LAD1: variants seen among roughly 807,000 people sequenced by gnomAD.
LAD1 encodes ladinin 1, also known as ladinin-1.
In LAD1, 53 loss-of-function variants were observed where a neutral mutation model predicts 54.2. The observed-to-expected ratio is 0.98, with a 90% confidence interval of 0.78 to 1.23. The LOEUF (loss-of-function observed/expected upper bound fraction) is 1.23. Ranked by LOEUF, LAD1 falls within the 50% of genes most tolerant of loss-of-function variation. The pLI is 0.00. For missense variants in LAD1, 637 were observed against 653.3 expected (o/e 0.98, Z 0.27); for synonymous variants, 231 against 257.7 (o/e 0.90, Z 0.99).
intron 1 of LAD1, among the ~76,000 whole-genome samples, chr1:201,396,971 C>T (rs760209805): frequency 3.9e-5 from 6 of 152,220 alleles, no homozygotes; most frequent in Non-Finnish European, 5.9e-5. Context: ...AGGCCTGGCC[C>T]AGCCTCACTG....
chr1:201,389,469 G>A (rs1347647347), intron 1 of LAD1, among the ~76,000 whole-genome samples, 166 bp from the exon 2 acceptor site: 2 of 152,244 alleles, frequency 1.3e-5, no homozygotes, highest in Non-Finnish European at 2.9e-5. Flanking sequence ...AAGGCATGCT[G>A]TGTGAAATAC....
Position 201,387,047 on chromosome 1 carries a change from G to A in LAD1, c.314C>T (p.Ala105Val), listed in dbSNP as rs762567945. 4 of 1,612,430 alleles carry A rather than the reference G, an allele frequency of 2.5e-6. No individual in the cohort carries two copies. Among genetic ancestry groups the A allele is most frequent in the East Asian group, 2.2e-5 (1 of 44,882 alleles). ...CAGCCTCTCCTGGATGGGGGCCTGT[G>A]CAGCCTCCACCACCTGCCGCCTCTG... ...RRQRRQVVEA[A>V]QAPIQERLEA... Residue 105 changes from alanine (A) to valine (V), a missense_variant, in exon 3 of 10, where the codon GCA (alanine) becomes GTA (valine). Ala to Val is a moderately conservative substitution (Grantham distance 64). Transcript: ENST00000391967.
intron 1 of LAD1, among the ~76,000 whole-genome samples, chr1:201,394,315 C>T (rs977418248): frequency 1.6e-4 from 25 of 152,324 alleles, no homozygotes; most frequent in African/African-American, 5.1e-4. Flanking sequence ...CCAGGGAAGG[C>T]GAGTGCCTGC....
intron 2 of LAD1, among the ~76,000 whole-genome samples, 187 bp downstream of exon 2, chr1:201,388,973 C>G (rs1662145960): frequency 6.6e-6 from 1 of 152,162 alleles, no homozygotes; most frequent in South Asian, 2.1e-4. Context: ...TAGTAGCAAG[C>G]ATTGTTATGA....
intron 1 of LAD1, among the ~76,000 whole-genome samples, chr1:201,394,109 T>C (rs1443354215): frequency 6.6e-6 from 1 of 152,108 alleles, no homozygotes; most frequent in Non-Finnish European, 1.5e-5. Context: ...ATAGGGTGTC[T>C]CATCTCTAGT....
intron 2 of LAD1, among the ~76,000 whole-genome samples, chr1:201,388,922 A>G (rs1250589294): frequency 6.6e-6 from 1 of 152,226 alleles, no homozygotes; most frequent in Non-Finnish European, 1.5e-5. Flanking sequence ...CTATGGCCAT[A>G]AAATGTCCAG....
intron 5 of LAD1, 103 bp from the exon 6 acceptor site, chr1:201,383,492 G>T: frequency 9.1e-7 from 1 of 1,103,596 alleles, no homozygotes; most frequent in Non-Finnish European, 1.4e-6. Context: ...TTCTCATTGT[G>T]GCCAAGAGAA....
In LAD1 at chr1:201,384,629, G is replaced by A; in HGVS notation, c.1175+163C>T. 1.4e-5 allele frequency: 10 copies of A among 712,534 alleles called. No individual in the cohort carries two copies. In the South Asian group the frequency reaches 1.6e-4, roughly 12 times the overall value. 44.1% of individuals were successfully genotyped at this position (712,534 alleles called of 1,614,324 possible). On this transcript the variant is annotated intron_variant, in intron 5 of 9. Transcript: ENST00000391967. The stretch of plus-strand genomic sequence containing the variant: ...ATCTTATCCCGCCTGAGTTCATCCT[G>A]TTAATCCCATCCCCCTGCCAGATCT...
chr1:201,383,057 G>T lies in LAD1; in HGVS notation c.1386+17C>A, dbSNP rs778326601. ...GGCTAATCACCCTAAGGACCCTGTG[G>T]GGCCTGAGCCCCTCACCTTCCGGCT... is the stretch of plus-strand genomic sequence containing the variant. On this transcript the variant is annotated intron_variant, in intron 7 of 9. Coordinates refer to ENST00000391967, the MANE Select transcript of LAD1 (RefSeq NM_005558.4). The T allele has an allele frequency of 8.1e-6, 13 of 1,606,608 alleles. No homozygotes were observed. The East Asian group carries it at 2.7e-4, about 33-fold the overall frequency.
In LAD1 at chr1:201,382,684, C is replaced by T. The variant is rs1462602163; in HGVS notation, c.1442G>A (p.Arg481Lys). The change falls in exon 8 of 10, where the codon AGG becomes AAG. Residue 481 changes from arginine (R) to lysine (K), a missense_variant. Transcript: ENST00000391967. ...GTCCTGATCTCCAGATTCCTGGGTC[C>T]TGCTGATCCACAGGTTGAGCCTTGA... ...VTSRLNLWISRTQESGDQDPQ... is the reference protein window; with the variant it reads ...VTSRLNLWISKTQESGDQDPQ... The T allele has an allele frequency of 1.9e-6, 3 of 1,608,034 alleles. No homozygotes were observed. In the South Asian group the frequency reaches 3.4e-5, roughly 18 times the overall value.
Position 201,386,548 on chromosome 1 carries a change from C to G in LAD1, c.813G>C (p.Lys271Asn). The change falls in exon 3 of 10, where the codon AAG becomes AAC. Residue 271 changes from lysine to asparagine, a missense_variant. Physicochemically the swap from Lys to Asn is moderately conservative, Grantham distance 94. Coordinates refer to ENST00000391967, the MANE Select transcript of LAD1 (RefSeq NM_005558.4). ...SIFEKALASE[K>N]SPTADAKPAP... ...CCGGCTTAGCATCTGCAGTTGGGCT[C>G]TTCTCTGAGGCCAGTGCCTTCTCAA... is the stretch of plus-strand genomic sequence containing the variant. 1 of 1,612,434 alleles carries G rather than the reference C, an allele frequency of 6.2e-7. No individual in the cohort carries two copies. The highest frequency in any genetic ancestry group is 8.5e-7 in the Non-Finnish European group (1 of 1,179,410).
intron 2 of LAD1, 60 bp from the exon 3 acceptor site, chr1:201,387,238 C>G: frequency 7.0e-7 from 1 of 1,433,282 alleles, no homozygotes; most frequent in Non-Finnish European, 9.1e-7. Context: ...CCTAAGTATA[C>G]CTAACCCAAT....
chr1:201,389,241 TGCC>T lies in LAD1; in HGVS notation c.98_100del (p.Arg33del). The T allele has an allele frequency of 6.2e-7, 1 of 1,614,130 alleles. No individual in the cohort carries two copies. Among genetic ancestry groups the T allele is most frequent in the Non-Finnish European group, 8.5e-7 (1 of 1,180,018 alleles). On this transcript the variant is annotated inframe_deletion, in exon 2 of 10. Transcript: ENST00000391967. ...GTCCGTGGTGGAGCTCAGGTTGCGGTGCCGCCGCCTGCGCTCGCGCTCCTGTTC... is the reference window on the plus strand; with the variant it reads ...GTCCGTGGTGGAGCTCAGGTTGCGGTGCCGCCTGCGCTCGCGCTCCTGTTC...
intron 2 of LAD1, 86 bp downstream of exon 2, chr1:201,389,074 A>G (rs1370184855): frequency 5.4e-6 from 8 of 1,488,310 alleles, no homozygotes; most frequent in African/African-American, 1.4e-5. Context: ...CTGGGCCCCA[A>G]CTCCCTGAGC....
intron 2 of LAD1, among the ~76,000 whole-genome samples, chr1:201,388,043 CA>C (rs1480489441): frequency 6.6e-6 from 1 of 152,258 alleles, no homozygotes; most frequent in African/African-American, 2.4e-5. Context: ...GCTCTTCCCC[CA>C]CCTCATAATC....
At chr1:201,386,014 G>A (rs574517293) in intron 3 of LAD1, among the ~76,000 whole-genome samples, 2 of 152,248 alleles carry the variant, frequency 1.3e-5, no homozygotes, top group Admixed American at 6.5e-5. Flanking sequence ...CTTTCCAGGG[G>A]AGCTTCTAGA....
intron 1 of LAD1, among the ~76,000 whole-genome samples, chr1:201,390,370 C>A (rs963091190): frequency 4.3e-3 from 475 of 111,642 alleles, no homozygotes; most frequent in Admixed American, 5.6e-3. Context: ...ACTAAAAATA[C>A]AAAAAAAAAA....
chr1:201,381,669 C>T lies in LAD1; in HGVS notation c.*219G>A, dbSNP rs950027041. ...GGGTCCCAGCATCTGTTGTGCCTGCCGCAGGGTGAGAAAGTCCCAGCCCCA... is the reference window on the plus strand; with the variant it reads ...GGGTCCCAGCATCTGTTGTGCCTGCTGCAGGGTGAGAAAGTCCCAGCCCCA... On this transcript the variant is annotated 3_prime_UTR_variant, in exon 10 of 10. Transcript: ENST00000391967. The T allele has an allele frequency of 3.0e-5, 19 of 633,702 alleles. No individual in the cohort carries two copies. Among genetic ancestry groups the T allele is most frequent in the African/African-American group, 2.4e-4 (13 of 54,388 alleles). 39.3% of individuals were successfully genotyped at this position (633,702 alleles called of 1,614,324 possible).
intron 8 of LAD1, 34 bp downstream of exon 8, chr1:201,382,619 C>G: frequency 2.0e-6 from 3 of 1,526,130 alleles, no homozygotes; most frequent in African/African-American, 1.4e-5. Context: ...CACAAAGGCT[C>G]CACAGTAAGA....
Sources: gnomAD v4.1 joint callset for allele counts (sites outside exome capture counted in the v4.1 genomes callset) on GRCh38, gnomAD v4.1.1 for gene constraint, MANE v1.5 for transcripts, NCBI Gene and HGNC (gene_info 2026-07-23, HGNC 2026-07-21) for gene names.